The following CACNA1E variants were observed in gnomAD, a reference collection of about 807,000 sequenced individuals.
CACNA1E encodes the protein voltage-dependent R-type calcium channel subunit alpha-1E.
CACNA1E carries 40 observed loss-of-function variants against 259.2 expected under a neutral mutation model. The ratio of observed to expected loss-of-function variants is 0.15; its 90% CI spans 0.12 to 0.20. CACNA1E has a LOEUF of 0.20. Ranked by LOEUF, CACNA1E falls within the 10% of genes least tolerant of loss-of-function variation. The pLI, the probability that CACNA1E is intolerant of heterozygous loss-of-function variation, is 1.00. For missense variants in CACNA1E, 1,874 were observed against 3,040.1 expected (o/e 0.62, Z 9.02); for synonymous variants, 1,104 against 1,138.5 (o/e 0.97, Z 0.61).
At chr1:181,372,585 T>C (rs1009608418) in intron 1 of CACNA1E, among the ~76,000 whole-genome samples, 1 of 152,072 alleles carries the variant, frequency 6.6e-6, no homozygotes, top group African/African-American at 2.4e-5. Context: ...TGGATGCCTT[T>C]TATTTCTTTC....
At chr1:181,788,253 G>A (rs76901615) in intron 43 of CACNA1E, among the ~76,000 whole-genome samples, 6,371 of 152,264 alleles carry the variant, frequency 0.042, 160 homozygotes, top group Middle Eastern at 0.11. Flanking sequence ...TGAAGCCTTT[G>A]GGTGCATGTT....
At chr1:181,381,932 T>C (rs1655485649) in intron 1 of CACNA1E, among the ~76,000 whole-genome samples, 1 of 152,172 alleles carries the variant, frequency 6.6e-6, no homozygotes, top group African/African-American at 2.4e-5. Flanking sequence ...AATGTGGAAC[T>C]ACAGCTGCAG....
At chr1:181,727,181 A>G (rs1654990727) in intron 18 of CACNA1E, among the ~76,000 whole-genome samples, 1 of 152,208 alleles carries the variant, frequency 6.6e-6, no homozygotes, top group Non-Finnish European at 1.5e-5. Flanking sequence ...ATGGCATTTA[A>G]GTCATTAGTA....
chr1:181,623,387 C>T (rs1346580982), intron 6 of CACNA1E, among the ~76,000 whole-genome samples: 2 of 152,054 alleles, frequency 1.3e-5, no homozygotes, highest in Middle Eastern at 3.2e-3. Flanking sequence ...AGAGTAGGCA[C>T]AGAAAAAGTT....
chr1:181,771,543 A>G lies in CACNA1E; in HGVS notation c.4973+159A>G, dbSNP rs1384953246. The G allele has an allele frequency of 6.4e-5, 39 of 607,428 alleles. 1 individual carries two copies. In the Admixed American group the frequency reaches 8.4e-4, roughly 13 times the overall value. The allele number at this position is 607,428 out of a possible 1,614,324, so 37.6% of individuals were successfully genotyped here. A position where few individuals can be genotyped will look rare whatever the true frequency, so the allele number is the denominator to read the frequency against. On this transcript the variant is annotated intron_variant, in intron 36 of 47. Coordinates refer to ENST00000367573, the MANE Select transcript of CACNA1E (RefSeq NM_001205293.3). ...GCAATGTCTTTGCCAAACTGCCCCT[A>G]TAACATTAGACAGTTTTGTCTTGTC...
chr1:181,609,234 CT>C (rs1356476510), intron 6 of CACNA1E, among the ~76,000 whole-genome samples: 1 of 152,210 alleles, frequency 6.6e-6, no homozygotes, highest in Non-Finnish European at 1.5e-5. Flanking sequence ...GCGGTGCCCC[CT>C]GGGTGTAGGC....
chr1:181,661,425 G>A (rs886768708), intron 7 of CACNA1E, among the ~76,000 whole-genome samples: 13 of 152,102 alleles, frequency 8.5e-5, no homozygotes, highest in African/African-American at 3.1e-4. Flanking sequence ...TGCAGGACTC[G>A]GGACTGTGTG....
chr1:181,338,641 G>C (rs1651905680), intron 1 of CACNA1E, among the ~76,000 whole-genome samples: 1 of 151,638 alleles, frequency 6.6e-6, no homozygotes. Flanking sequence ...TTCCTTTGCT[G>C]TTCAGAAGCT....
At chr1:181,694,342 G>A (rs563672962) in intron 7 of CACNA1E, among the ~76,000 whole-genome samples, 1 of 152,120 alleles carries the variant, frequency 6.6e-6, no homozygotes, top group African/African-American at 2.4e-5. Context: ...TAATAGAAAA[G>A]AACTTTCTCA....
rs1478103346 is a variant in CACNA1E at position 181,804,907 on chromosome 1, CTTG to C, written c.*6078_*6080del. Reference sequence around the variant, plus strand: ...ATTCTTCCCATTTTCCCTTATTCTTCTTGTTGTCTCTCTAATTAAAAAAAAAAA... The same window carrying C: ...ATTCTTCCCATTTTCCCTTATTCTTCTTGTCTCTCTAATTAAAAAAAAAAA... On this transcript the variant is annotated 3_prime_UTR_variant, in exon 48 of 48. Transcript: ENST00000367573. The C allele has an allele frequency of 1.4e-5, 2 of 144,822 alleles. No individual in the cohort carries two copies. Among genetic ancestry groups the C allele is most frequent in the African/African-American group, 2.6e-5 (1 of 38,996 alleles). The allele number at this position is 144,822 out of a possible 1,614,324, so 9.0% of individuals were successfully genotyped here. A position where few individuals can be genotyped will look rare whatever the true frequency, so the allele number is the denominator to read the frequency against.
intron 7 of CACNA1E, among the ~76,000 whole-genome samples, chr1:181,708,493 G>A (rs138718176): frequency 1.8e-4 from 28 of 152,228 alleles, no homozygotes; most frequent in South Asian, 1.5e-3. Flanking sequence ...ATGTTCCTCC[G>A]GTCGTAGCCT....
At chr1:181,773,928 A>T (rs1285900533) in intron 37 of CACNA1E, among the ~76,000 whole-genome samples, 1 of 152,222 alleles carries the variant, frequency 6.6e-6, no homozygotes, top group Admixed American at 6.5e-5. Flanking sequence ...TCAGCACGAG[A>T]TGATCTGCTT....
In CACNA1E at chr1:181,763,541, AC is replaced by A. The variant is rs1476174875; in HGVS notation, c.4815+12del. 6.5e-7 allele frequency: 1 copy of A among 1,549,324 alleles called. No individual in the cohort carries two copies. ...TGTGCAGTCCTTTAAGGTAAGAGGT[AC>A]CAGCAAATCCTCTCTGAGGGTTGTC... On this transcript the variant is annotated intron_variant, in intron 34 of 47. Transcript: ENST00000367573.
chr1:181,597,393 T>C (rs770056021), intron 6 of CACNA1E, among the ~76,000 whole-genome samples: 1 of 152,242 alleles, frequency 6.6e-6, no homozygotes, highest in Non-Finnish European at 1.5e-5. Flanking sequence ...CTTCTATCCA[T>C]GTATATTTTT....
intron 7 of CACNA1E, among the ~76,000 whole-genome samples, chr1:181,689,343 G>A (rs538947762): frequency 2.0e-5 from 3 of 152,262 alleles, no homozygotes; most frequent in African/African-American, 4.8e-5. Flanking sequence ...AGTATTCCAC[G>A]ATGTATATGT....
At chr1:181,794,825 A>G in intron 45 of CACNA1E, 39 bp from the exon 46 acceptor site, 1 of 1,571,244 alleles carries the variant, frequency 6.4e-7, no homozygotes, top group Non-Finnish European at 8.7e-7. Context: ...TCAATCGTTA[A>G]TCCATACCTT....
At chr1:181,769,196 G>GTCTCT (rs1434192219) in intron 35 of CACNA1E, among the ~76,000 whole-genome samples, 12 of 151,986 alleles carry the variant, frequency 7.9e-5, no homozygotes, top group African/African-American at 2.9e-4. Flanking sequence ...ACCTTCACAA[G>GTCTCT]TCTCTTCTAG....
At chr1:181,720,049 A>T (rs558873695) in intron 13 of CACNA1E, among the ~76,000 whole-genome samples, 157 bp from the exon 14 acceptor site, 1 of 152,216 alleles carries the variant, frequency 6.6e-6, no homozygotes, top group East Asian at 1.9e-4. Flanking sequence ...CTATGGTGCC[A>T]CATTCCCAAG....
chr1:181,341,719 G>A (rs767168485), intron 1 of CACNA1E, among the ~76,000 whole-genome samples: 9 of 152,050 alleles, frequency 5.9e-5, no homozygotes, highest in Non-Finnish European at 1.0e-4. Flanking sequence ...ATTCTTTCTC[G>A]GTTGTTCTCA....
Sources: allele counts gnomAD v4.1 joint callset (sites outside exome capture counted in the v4.1 genomes callset), GRCh38; gene constraint gnomAD v4.1.1; transcripts MANE v1.5; gene names NCBI Gene and HGNC (gene_info 2026-07-23, HGNC 2026-07-21).